The following GNL3L variants were observed in gnomAD, a reference collection of about 807,000 sequenced individuals.
GNL3L encodes guanine nucleotide-binding protein-like 3-like protein.
Under a neutral mutation model 42.9 loss-of-function variants are expected in GNL3L, and 4 were observed. The ratio of observed to expected loss-of-function variants is 0.09; its 90% confidence interval spans 0.05 to 0.21. The LOEUF (loss-of-function observed/expected upper bound fraction) is 0.21. Among genes scored for constraint, GNL3L ranks in the 10% least tolerant of loss-of-function variants. The pLI, the probability that GNL3L is intolerant of heterozygous loss-of-function variation, is 1.00. For missense variants in GNL3L, 412 were observed against 481.7 expected (o/e 0.86, Z 1.36); for synonymous variants, 159 against 176.3 (o/e 0.90, Z 0.78).
chrX:54,596,756 C>CA (rs968793304), intron 16 of GNL3L, among the ~76,000 whole-genome samples: 14 of 111,920 alleles, frequency 1.3e-4, no homozygotes, highest in Admixed American at 1.2e-3. Flanking sequence ...AGCTGGCACT[C>CA]AAACCACGAG....
At chrX:54,545,324 T>G (rs757334706) in intron 8 of GNL3L, among the ~76,000 whole-genome samples, 2 of 111,412 alleles carry the variant, frequency 1.8e-5, no homozygotes, top group African/African-American at 3.3e-5. Flanking sequence ...GTTCAAGTGA[T>G]TCTTGTGCCT....
At chrX:54,555,181 T>C (rs1310008518) in intron 14 of GNL3L, among the ~76,000 whole-genome samples, 2 of 108,761 alleles carry the variant, frequency 1.8e-5, no homozygotes, top group Non-Finnish European at 3.8e-5. Context: ...CCCGGCTTAA[T>C]TTTTGTGTTT....
At position 54,558,545 on chromosome X, in the gene GNL3L, C is replaced by T. The variant is rs138960217; in HGVS notation, c.1556C>T (p.Ser519Leu). 8.3e-7 allele frequency: 1 copy of T among 1,208,685 alleles called. No homozygotes were observed. The highest frequency in any genetic ancestry group is 1.1e-6 in the Non-Finnish European group (1 of 892,963). ...PKSNSMVDVCSVDRRSVLQRI... is the reference protein window; with the variant it reads ...PKSNSMVDVCLVDRRSVLQRI... ...AGCAACAGTATGGTGGATGTCTGCTCAGTGGACCGCCGCTCAGTGCTGCAG... is the reference window on the plus strand; with the variant it reads ...AGCAACAGTATGGTGGATGTCTGCTTAGTGGACCGCCGCTCAGTGCTGCAG... The change falls in exon 15 of 16, where the codon TCA becomes TTA. Residue 519 changes from serine to leucine, a missense_variant. Transcript: ENST00000360845.
At chrX:54,607,071 TCTC>T (rs1926093688) in intron 16 of GNL3L, among the ~76,000 whole-genome samples, 2 of 45,939 alleles carry the variant, frequency 4.4e-5, no homozygotes, top group Admixed American at 2.2e-4. Flanking sequence ...TTTCTTTCTT[TCTC>T]TTTCTTTCTT....
chrX:54,592,504 A>C (rs2147521717), intron 16 of GNL3L, among the ~76,000 whole-genome samples: 1 of 111,502 alleles, frequency 9.0e-6, no homozygotes, highest in South Asian at 3.7e-4. Flanking sequence ...AATTTTGTAG[A>C]GTTTTTATCA....
At chrX:54,533,744 T>G (rs1924337676) in intron 2 of GNL3L, among the ~76,000 whole-genome samples, 1 of 110,511 alleles carries the variant, frequency 9.0e-6, no homozygotes, top group Non-Finnish European at 1.9e-5. Context: ...ATTGCAGGCG[T>G]GAACCACCAT....
the GNL3L span, among the ~76,000 whole-genome samples, chrX:54,634,475 T>G: frequency 1.2e-5 from 1 of 84,475 alleles, no homozygotes; most frequent in Non-Finnish European, 2.1e-5. Context: ...CTAATTTGTA[T>G]TTTTTTTTGT....
chrX:54,582,755 G>A (rs777245373), intron 16 of GNL3L, among the ~76,000 whole-genome samples: 3 of 111,290 alleles, frequency 2.7e-5, no homozygotes, highest in East Asian at 2.8e-4. Flanking sequence ...GCTAATTTTC[G>A]TATTTTTAGT....
chrX:54,580,035 G>A (rs1380815770), intron 16 of GNL3L, among the ~76,000 whole-genome samples: 2 of 91,193 alleles, frequency 2.2e-5, no homozygotes, highest in Non-Finnish European at 4.1e-5. Flanking sequence ...TTTAGGGTAC[G>A]TGTGCACAAC....
intron 16 of GNL3L, among the ~76,000 whole-genome samples, chrX:54,604,370 G>T (rs1926035023): frequency 2.7e-5 from 3 of 111,698 alleles, no homozygotes; most frequent in African/African-American, 9.8e-5. Flanking sequence ...ATAAACCAGA[G>T]GAAGAGCATA....
chrX:54,602,289 T>A (rs1286462663), intron 16 of GNL3L, among the ~76,000 whole-genome samples: 2 of 112,022 alleles, frequency 1.8e-5, no homozygotes, highest in African/African-American at 6.5e-5. Flanking sequence ...ATAGTATATG[T>A]CAGTAGTTAT....
chrX:54,624,506 C>T (rs374705685), downstream of GNL3L, among the ~76,000 whole-genome samples: 111 of 99,487 alleles, frequency 1.1e-3, 1 homozygote, highest in African/African-American at 4.1e-3. Context: ...GGCGTGATCT[C>T]GGCTCACTGC....
At position 54,548,258 on chromosome X, in the gene GNL3L, C is replaced by G; in HGVS notation, c.660C>G (p.Ala220=). 1 of 1,203,488 alleles carries G rather than the reference C, an allele frequency of 8.3e-7. No individual in the cohort carries two copies. The highest frequency in any genetic ancestry group is 1.1e-6 in the Non-Finnish European group (1 of 888,272). Residue 220 remains alanine, a synonymous_variant, in exon 9 of 16, where the codon GCC becomes GCG. Coordinates refer to ENST00000360845, the MANE Select transcript of GNL3L (RefSeq NM_001184819.2). ...LNRCSVPVDQ[A]SESLLKSKAC... ...GTTGCAGTGTGCCAGTAGATCAGGCCTCTGAGTCACTGCTGAAAAGCAAAG... is the reference window on the plus strand; with the variant it reads ...GTTGCAGTGTGCCAGTAGATCAGGCGTCTGAGTCACTGCTGAAAAGCAAAG...
At chrX:54,549,881 C>T (rs1449631992) in intron 9 of GNL3L, among the ~76,000 whole-genome samples, 1 of 110,671 alleles carries the variant, frequency 9.0e-6, no homozygotes, top group Non-Finnish European at 1.9e-5. Flanking sequence ...GTTAAGGAGG[C>T]GCAGACAGGG....
chrX:54,636,830 C>T, the GNL3L span, among the ~76,000 whole-genome samples: 1 of 111,845 alleles, frequency 8.9e-6, no homozygotes, highest in Non-Finnish European at 1.9e-5. Flanking sequence ...CTGTGATGAA[C>T]ATACACATGC....
chrX:54,552,204 G>A (rs1924964072), intron 12 of GNL3L, 88 bp from the exon 13 acceptor site: 2 of 1,006,242 alleles, frequency 2.0e-6, no homozygotes, highest in Admixed American at 2.3e-5. Flanking sequence ...TTCCGTTGCT[G>A]TTTCTGGCCT....
the GNL3L span, among the ~76,000 whole-genome samples, chrX:54,640,044 G>A: frequency 9.1e-6 from 1 of 110,406 alleles, no homozygotes; most frequent in Non-Finnish European, 1.9e-5. Flanking sequence ...GCCAGGGGGT[G>A]ACCGTGCCTG....
At position 54,556,447 on chromosome X, in the gene GNL3L, T is replaced by C. The variant is rs747709101; in HGVS notation, c.1446+1755T>C. On this transcript the variant is annotated intron_variant, in intron 14 of 15. Coordinates refer to ENST00000360845, the MANE Select transcript of GNL3L (RefSeq NM_001184819.2). The stretch of plus-strand genomic sequence containing the variant: ...TCTCTCCCTTGACATGTAGGGATTA[T>C]GGGAATTATGGGGTTTACAATTCAA... 2.7e-5 allele frequency among the ~76,000 whole-genome samples: 3 copies of C among 110,993 alleles called. No homozygotes were observed. The South Asian group carries it at 1.2e-3, about 43-fold the overall frequency.
the GNL3L span, among the ~76,000 whole-genome samples, chrX:54,630,799 TTCTC>T: frequency 1.2e-4 from 12 of 100,324 alleles, no homozygotes; most frequent in South Asian, 4.8e-4. Flanking sequence ...TTTCTTTCTT[TTCTC>T]TCTCTCTCTC....
Sources: allele counts gnomAD v4.1 joint callset (sites outside exome capture counted in the v4.1 genomes callset), GRCh38; gene constraint gnomAD v4.1.1; transcripts MANE v1.5; gene names NCBI Gene and HGNC (gene_info 2026-07-23, HGNC 2026-07-21).